The following SOX6 variants were observed in gnomAD, a reference collection of about 807,000 sequenced individuals.
SOX6 encodes the protein transcription factor SOX-6.
A neutral mutation model predicts 97.8 loss-of-function variants in SOX6; 11 were observed. The ratio of observed to expected loss-of-function variants is 0.11; its 90% CI spans 0.07 to 0.19. SOX6 has a LOEUF of 0.19. Among genes scored for constraint, SOX6 ranks in the 10% least tolerant of loss-of-function variants. SOX6 has a pLI of 1.00. For missense variants in SOX6, 810 were observed against 1,039.5 expected (o/e 0.78, Z 3.04); for synonymous variants, 360 against 371.4 (o/e 0.97, Z 0.35).
intron 13 of SOX6, among the ~76,000 whole-genome samples, chr11:16,011,209 T>C (rs1854714860): frequency 6.6e-6 from 1 of 152,070 alleles, no homozygotes; most frequent in Non-Finnish European, 1.5e-5. Flanking sequence ...TCACTATTCT[T>C]AATTATATGG....
intron 6 of SOX6, among the ~76,000 whole-genome samples, chr11:16,150,523 A>G (rs16932622): frequency 0.056 from 8,565 of 152,222 alleles, 631 homozygotes; most frequent in East Asian, 0.37. Context: ...CCTAAAACCT[A>G]TAAACAAATG....
chr11:16,596,792 C>G (rs1848216881), intron 4 of SOX6, among the ~76,000 whole-genome samples: 1 of 152,188 alleles, frequency 6.6e-6, no homozygotes, highest in Non-Finnish European at 1.5e-5. Context: ...TTCTATCAAA[C>G]TTGCCACACT....
At chr11:16,103,666 T>A (rs1204300759) in intron 7 of SOX6, among the ~76,000 whole-genome samples, 1 of 151,758 alleles carries the variant, frequency 6.6e-6, no homozygotes, top group Non-Finnish European at 1.5e-5. Context: ...GGTATATATA[T>A]ATATACACCA....
chr11:16,341,878 C>A (rs184550143), intron 1 of SOX6, among the ~76,000 whole-genome samples: 1 of 152,128 alleles, frequency 6.6e-6, no homozygotes, highest in Admixed American at 6.6e-5. Flanking sequence ...TGAAATGAGT[C>A]AATTGTTGTA....
intron 6 of SOX6, among the ~76,000 whole-genome samples, chr11:16,173,168 G>A (rs1216245741): frequency 2.6e-5 from 4 of 151,922 alleles, no homozygotes; most frequent in East Asian, 1.9e-4. Context: ...GAAAAGTGAA[G>A]TTAGGCTCTT....
At chr11:16,697,926 G>A (rs1361571785) in intron 3 of SOX6, among the ~76,000 whole-genome samples, 2 of 152,198 alleles carry the variant, frequency 1.3e-5, no homozygotes, top group African/African-American at 4.8e-5. Context: ...AAACAAATGT[G>A]CTGTCATCCA....
intron 4 of SOX6, among the ~76,000 whole-genome samples, chr11:16,505,473 T>G (rs1234390217): frequency 1.3e-5 from 2 of 152,132 alleles, no homozygotes; most frequent in Non-Finnish European, 2.9e-5. Flanking sequence ...GAATTTATAT[T>G]TAAAATGGAA....
intron 6 of SOX6, among the ~76,000 whole-genome samples, chr11:16,159,291 G>T (rs534303199): frequency 1.3e-5 from 2 of 152,024 alleles, no homozygotes; most frequent in Admixed American, 6.6e-5. Flanking sequence ...GAACGCTAAA[G>T]ATCAGTTCAT....
At chr11:16,666,226 G>A (rs1847806097) in intron 3 of SOX6, among the ~76,000 whole-genome samples, 1 of 152,034 alleles carries the variant, frequency 6.6e-6, no homozygotes, top group Non-Finnish European at 1.5e-5. Context: ...AACTAAATAA[G>A]GCACCAATGA....
chr11:16,403,264 A>T (rs1351602771), intron 1 of SOX6, among the ~76,000 whole-genome samples: 1 of 151,724 alleles, frequency 6.6e-6, no homozygotes, highest in Non-Finnish European at 1.5e-5. Flanking sequence ...AGGGCATTAA[A>T]ATGCTGCACT....
intron 4 of SOX6, among the ~76,000 whole-genome samples, chr11:16,536,495 G>A (rs528259569): frequency 8.5e-5 from 13 of 152,278 alleles, no homozygotes; most frequent in Admixed American, 2.0e-4. Context: ...GAAGAAGGGC[G>A]GGGCATCGCC....
At chr11:16,716,201 A>C (rs1035631325) in intron 2 of SOX6, among the ~76,000 whole-genome samples, 2 of 152,268 alleles carry the variant, frequency 1.3e-5, no homozygotes, top group Admixed American at 1.3e-4. Flanking sequence ...GTGCCACTGC[A>C]CTCTAGTCCG....
intron 4 of SOX6, among the ~76,000 whole-genome samples, chr11:16,214,217 A>G (rs537975448): frequency 6.6e-6 from 1 of 152,340 alleles, no homozygotes; most frequent in East Asian, 1.9e-4. Context: ...GGTTTAGAAT[A>G]GTCTAGAAAA....
intron 12 of SOX6, among the ~76,000 whole-genome samples, chr11:16,029,673 G>A (rs1855311769): frequency 6.6e-6 from 1 of 151,514 alleles, no homozygotes; most frequent in African/African-American, 2.4e-5. Flanking sequence ...TGTCTAACGA[G>A]AATTAACTAA....
chr11:16,332,547 T>A (rs996684331), intron 2 of SOX6, among the ~76,000 whole-genome samples: 1 of 152,162 alleles, frequency 6.6e-6, no homozygotes, highest in Non-Finnish European at 1.5e-5. Flanking sequence ...TAATTTCCAA[T>A]CATTTTATTA....
At chr11:16,157,779 C>T (rs993698) in intron 6 of SOX6, among the ~76,000 whole-genome samples, 12,762 of 152,022 alleles carry the variant, frequency 0.084, 1,115 homozygotes, top group East Asian at 0.37. Flanking sequence ...AGTTCCCTAA[C>T]ATGCAATGTT....
chr11:16,322,877 T>A (rs531632286), intron 2 of SOX6, among the ~76,000 whole-genome samples: 1 of 152,370 alleles, frequency 6.6e-6, no homozygotes, highest in Non-Finnish European at 1.5e-5. Context: ...TAAAGCTGGT[T>A]GTGATTCTTC....
At chr11:16,183,214 A>C (rs995372213) in intron 6 of SOX6, among the ~76,000 whole-genome samples, 4 of 152,110 alleles carry the variant, frequency 2.6e-5, no homozygotes, top group Admixed American at 2.0e-4. Context: ...TCAAGTATCT[A>C]AAAGAATGTC....
At chr11:16,249,024 C>T (rs564827370) in intron 3 of SOX6, among the ~76,000 whole-genome samples, 12 of 151,976 alleles carry the variant, frequency 7.9e-5, no homozygotes, top group African/African-American at 2.9e-4. Flanking sequence ...TCACTTGAAC[C>T]CACTAGGCAG....
Sources: gnomAD v4.1 joint callset for allele counts (sites outside exome capture counted in the v4.1 genomes callset) on GRCh38, gnomAD v4.1.1 for gene constraint, MANE v1.5 for transcripts, NCBI Gene and HGNC (gene_info 2026-07-23, HGNC 2026-07-21) for gene names.